The following CFAP299 variants were observed in gnomAD, a reference collection of about 807,000 sequenced individuals.
CFAP299 encodes the protein cilia- and flagella-associated protein 299.
Under a neutral mutation model 27.0 loss-of-function variants are expected in CFAP299, and 21 were observed. The ratio of observed to expected loss-of-function variants is 0.78; its 90% CI spans 0.55 to 1.12. The LOEUF (loss-of-function observed/expected upper bound fraction) is 1.12, where lower values mean the gene tolerates loss of function less well. Ranked by LOEUF, CFAP299 falls within the 50% of genes most tolerant of loss-of-function variation. CFAP299 has a pLI of 0.00. For missense variants in CFAP299, 310 were observed against 276.6 expected, an observed-to-expected ratio of 1.12 and a Z score of -0.86; for synonymous variants, 104 against 98.1, an observed-to-expected ratio of 1.06 and a Z score of -0.36.
At chr4:80,733,929 G>A (rs1052809536) in intron 3 of CFAP299, among the ~76,000 whole-genome samples, 6 of 152,076 alleles carry the variant, frequency 3.9e-5, no homozygotes, top group Admixed American at 3.3e-4. Context: ...AACAAACATG[G>A]CAGTACAGAT....
chr4:80,662,547 G>A (rs1312216921), intron 3 of CFAP299, among the ~76,000 whole-genome samples: 1 of 152,150 alleles, frequency 6.6e-6, no homozygotes, highest in African/African-American at 2.4e-5. Context: ...CAGCAGTGGA[G>A]GGTTAAAGCA....
chr4:80,550,756 TCAAAA>T (rs973671262), intron 2 of CFAP299, among the ~76,000 whole-genome samples: 4 of 130,614 alleles, frequency 3.1e-5, no homozygotes, highest in Middle Eastern at 3.6e-3. Flanking sequence ...AGGTATTAAC[TCAAAA>T]CACACACACA....
At chr4:80,405,845 T>G (rs1202598771) in intron 2 of CFAP299, among the ~76,000 whole-genome samples, 1 of 152,178 alleles carries the variant, frequency 6.6e-6, no homozygotes, top group Non-Finnish European at 1.5e-5. Context: ...AACATTATTT[T>G]TCTTCATTTC....
chr4:80,693,838 T>C (rs1021244768), intron 3 of CFAP299, among the ~76,000 whole-genome samples: 1 of 151,354 alleles, frequency 6.6e-6, no homozygotes, highest in Non-Finnish European at 1.5e-5. Flanking sequence ...ATGTCATCTG[T>C]TAATAAAAAA....
chr4:80,627,376 C>T (rs1016400358), intron 3 of CFAP299, among the ~76,000 whole-genome samples: 1 of 151,782 alleles, frequency 6.6e-6, no homozygotes, highest in Non-Finnish European at 1.5e-5. Flanking sequence ...ATGATAAACC[C>T]CATAGCTAAC....
intron 2 of CFAP299, among the ~76,000 whole-genome samples, chr4:80,516,286 G>T (rs189514795): frequency 2.8e-4 from 42 of 152,202 alleles, no homozygotes; most frequent in Non-Finnish European, 4.1e-4. Context: ...CTCCAAAAGT[G>T]CTGAGATTAC....
chr4:80,523,338 C>T (rs557746268), intron 2 of CFAP299, among the ~76,000 whole-genome samples: 3 of 152,064 alleles, frequency 2.0e-5, no homozygotes, highest in Non-Finnish European at 4.4e-5. Flanking sequence ...GATTTTGTAT[C>T]CTGAAAACCA....
chr4:80,845,213 G>C (rs561989427), intron 3 of CFAP299, among the ~76,000 whole-genome samples: 1 of 151,390 alleles, frequency 6.6e-6, no homozygotes, highest in Non-Finnish European at 1.5e-5. Flanking sequence ...TGTTCTTTTG[G>C]CTTAGGATTG....
intron 3 of CFAP299, among the ~76,000 whole-genome samples, chr4:80,856,436 T>G (rs80121729): frequency 0.13 from 18,844 of 150,592 alleles, 1,340 homozygotes; most frequent in Middle Eastern, 0.24. Context: ...TTTTGGCTTT[T>G]GTTGCCATTG....
chr4:80,385,154 A>G (rs1276619975), intron 2 of CFAP299, among the ~76,000 whole-genome samples: 2 of 152,126 alleles, frequency 1.3e-5, no homozygotes, highest in African/African-American at 2.4e-5. Flanking sequence ...CTTTATTATT[A>G]ATGAAGCCAC....
At chr4:80,770,036 G>A (rs1325091861) in intron 3 of CFAP299, among the ~76,000 whole-genome samples, 1 of 152,116 alleles carries the variant, frequency 6.6e-6, no homozygotes, top group Non-Finnish European at 1.5e-5. Context: ...TTTCAGAGCT[G>A]AGTAGTTTAT....
At chr4:80,559,547 C>G (rs1734941652) in intron 2 of CFAP299, among the ~76,000 whole-genome samples, 1 of 152,106 alleles carries the variant, frequency 6.6e-6, no homozygotes, top group Non-Finnish European at 1.5e-5. Context: ...CTGTCTTTAA[C>G]TTTATATCAC....
intron 2 of CFAP299, among the ~76,000 whole-genome samples, chr4:80,455,379 G>A (rs1033209701): frequency 1.3e-5 from 2 of 152,126 alleles, no homozygotes; most frequent in Non-Finnish European, 2.9e-5. Context: ...TTTTAGTCAA[G>A]GCAGTTTCAC....
At chr4:80,367,116 T>C (rs1190238007) in intron 2 of CFAP299, among the ~76,000 whole-genome samples, 2 of 152,182 alleles carry the variant, frequency 1.3e-5, no homozygotes, top group South Asian at 4.1e-4. Context: ...TATGTGTAAA[T>C]AGACATTGGT....
chr4:80,730,248 C>G (rs12648532), intron 3 of CFAP299, among the ~76,000 whole-genome samples: 2,289 of 130,724 alleles, frequency 0.018, 32 homozygotes, highest in African/African-American at 0.042. Context: ...CTCTCTCTCT[C>G]TGTGTGTGTG....
At chr4:80,930,908 G>A (rs766384422) in intron 4 of CFAP299, among the ~76,000 whole-genome samples, 16 of 152,006 alleles carry the variant, frequency 1.1e-4, no homozygotes, top group Non-Finnish European at 2.2e-4. Flanking sequence ...CCTCCAGAAA[G>A]CTATTATTCT....
At chr4:80,806,060 C>T (rs995538883) in intron 3 of CFAP299, among the ~76,000 whole-genome samples, 1 of 152,032 alleles carries the variant, frequency 6.6e-6, no homozygotes, top group African/African-American at 2.4e-5. Context: ...CAATAATGTA[C>T]TCAATAGCAA....
chr4:80,514,584 G>C (rs919657954), intron 2 of CFAP299, among the ~76,000 whole-genome samples: 1 of 151,958 alleles, frequency 6.6e-6, no homozygotes, highest in African/African-American at 2.4e-5. Context: ...AAAGCCCACT[G>C]GTCCCTTGAT....
chr4:80,691,905 C>G (rs1184176630), intron 3 of CFAP299, among the ~76,000 whole-genome samples: 1 of 151,686 alleles, frequency 6.6e-6, no homozygotes, highest in Non-Finnish European at 1.5e-5. Flanking sequence ...CAACAACAGA[C>G]AAACAGAGAG....
Sources: allele counts gnomAD v4.1 joint callset (sites outside exome capture counted in the v4.1 genomes callset), GRCh38; gene constraint gnomAD v4.1.1; transcripts MANE v1.5; gene names NCBI Gene and HGNC (gene_info 2026-07-23, HGNC 2026-07-21).